Variants in RBKS observed in about 807,000 individuals in gnomAD.
The protein encoded by RBKS is ribokinase.
Under a neutral mutation model 33.9 loss-of-function variants are expected in RBKS, and 33 were observed. That is an observed-to-expected ratio of 0.97 (90% CI 0.74 to 1.30). The LOEUF is 1.30. Among genes scored for constraint, RBKS ranks in the 50% most tolerant of loss-of-function variants. RBKS has a pLI of 0.00. For missense variants in RBKS, 361 were observed against 392.6 expected (o/e 0.92, Z 0.68); for synonymous variants, 125 against 143.0 (o/e 0.87, Z 0.90).
chr2:27,853,730 G>A (rs1178135169), intron 2 of RBKS, among the ~76,000 whole-genome samples: 2 of 152,202 alleles, frequency 1.3e-5, no homozygotes, highest in African/African-American at 2.4e-5. Flanking sequence ...TTATCTGAGA[G>A]TGGTGATAGG....
chr2:27,873,683 C>T (rs961262246), intron 1 of RBKS, among the ~76,000 whole-genome samples: 2 of 151,906 alleles, frequency 1.3e-5, no homozygotes, highest in African/African-American at 4.8e-5. Flanking sequence ...TGGTAAAAAT[C>T]CAGATGTAAA....
chr2:27,839,694 G>C (rs1476423528), intron 5 of RBKS, among the ~76,000 whole-genome samples: 4 of 152,158 alleles, frequency 2.6e-5, no homozygotes, highest in Admixed American at 2.0e-4. Context: ...ACCCATAGAT[G>C]ATGATGACGA....
intron 1 of RBKS, among the ~76,000 whole-genome samples, chr2:27,859,296 C>T (rs1382893334): frequency 6.6e-6 from 1 of 152,152 alleles, no homozygotes; most frequent in Non-Finnish European, 1.5e-5. Flanking sequence ...TACTGGCTTC[C>T]CTTTCCCTCA....
Position 27,812,243 on chromosome 2 carries a change from AC to A in RBKS, c.795+15323del, listed in dbSNP as rs374547071. On this transcript the variant is annotated intron_variant, in intron 7 of 7. Transcript: ENST00000302188. ...GGAGAGGATGTGGAGAAATAGGAAC[AC>A]TTTTACACTGTTGGTGGGACTGTAA... 3.9e-3 allele frequency among the ~76,000 whole-genome samples: 588 copies of A among 152,306 alleles called. 5 individuals carry two copies. The highest frequency in any genetic ancestry group is 0.013 in the African/African-American group (556 of 41,558).
chr2:27,846,051 G>A (rs184139922), intron 4 of RBKS, among the ~76,000 whole-genome samples: 181 of 151,786 alleles, frequency 1.2e-3, no homozygotes, highest in African/African-American at 4.1e-3. Flanking sequence ...TGCAACCTCC[G>A]CCTTGTGAGT....
intron 7 of RBKS, among the ~76,000 whole-genome samples, chr2:27,814,036 C>T (rs1457054161): frequency 1.3e-5 from 2 of 151,306 alleles, no homozygotes; most frequent in Non-Finnish European, 2.9e-5. Context: ...CAAGGCTGTG[C>T]AACAAAGTGA....
chr2:27,867,492 A>G (rs1428562752), intron 1 of RBKS, among the ~76,000 whole-genome samples: 1 of 152,164 alleles, frequency 6.6e-6, no homozygotes, highest in Non-Finnish European at 1.5e-5. Flanking sequence ...AGTTGGGAAT[A>G]TGGTCAGAAA....
At chr2:27,888,672 A>G (rs1325507381) in intron 1 of RBKS, among the ~76,000 whole-genome samples, 2 of 152,206 alleles carry the variant, frequency 1.3e-5, no homozygotes, top group Non-Finnish European at 2.9e-5. Flanking sequence ...CAATTGCTAT[A>G]TTGTGTTGTA....
At chr2:27,842,697 C>T (rs1381824920) in intron 5 of RBKS, among the ~76,000 whole-genome samples, 1 of 151,510 alleles carries the variant, frequency 6.6e-6, no homozygotes, top group Non-Finnish European at 1.5e-5. Context: ...ACTCTTGTCA[C>T]CCAGGCTAGA....
chr2:27,861,877 A>C (rs1225093861), intron 1 of RBKS, among the ~76,000 whole-genome samples: 1 of 149,724 alleles, frequency 6.7e-6, no homozygotes, highest in African/African-American at 2.5e-5. Flanking sequence ...CTGGTCTTGA[A>C]CTCCTGATCC....
chr2:27,858,467 A>C lies in RBKS; in HGVS notation c.194T>G (p.Leu65Arg), dbSNP rs766941595. 1 of 1,613,940 alleles carries C rather than the reference A, an allele frequency of 6.2e-7. No homozygotes were observed. Among genetic ancestry groups the C allele is most frequent in the Admixed American group, 1.7e-5 (1 of 59,970 alleles). Residue 65 changes from leucine (L) to arginine (R), a missense_variant, in exon 2 of 8, where the codon CTT (leucine) becomes CGT (arginine). Coordinates refer to ENST00000302188, the MANE Select transcript of RBKS (RefSeq NM_022128.3). ...GANQCVQAAR[L>R]GAMTSMVCKV... ...ACACACCATGGACGTCATTGCTCCA[A>C]GCCGAGCAGCTTGGACACACTGGTT...
chr2:27,835,751 T>C (rs2148207136), intron 5 of RBKS, among the ~76,000 whole-genome samples: 1 of 151,484 alleles, frequency 6.6e-6, no homozygotes, highest in East Asian at 2.0e-4. Context: ...TAAGAACAAA[T>C]AACAAGCACA....
chr2:27,851,698 C>T (rs920681052), intron 2 of RBKS, among the ~76,000 whole-genome samples: 1 of 152,058 alleles, frequency 6.6e-6, no homozygotes, highest in Non-Finnish European at 1.5e-5. Context: ...ACCATCACAC[C>T]TGGCTAATTT....
chr2:27,868,992 C>A (rs182764667), intron 1 of RBKS, among the ~76,000 whole-genome samples: 224 of 152,158 alleles, frequency 1.5e-3, no homozygotes, highest in African/African-American at 4.2e-3. Context: ...TACAATAACC[C>A]CATGAGAAAG....
intron 1 of RBKS, among the ~76,000 whole-genome samples, chr2:27,873,481 T>C (rs556067811): frequency 6.6e-6 from 1 of 152,366 alleles, no homozygotes; most frequent in African/African-American, 2.4e-5. Flanking sequence ...GAACTGCTTA[T>C]GATTTTCATT....
At chr2:27,885,816 C>T (rs1185583009) in intron 1 of RBKS, among the ~76,000 whole-genome samples, 1 of 152,130 alleles carries the variant, frequency 6.6e-6, no homozygotes, top group Non-Finnish European at 1.5e-5. Context: ...ATCCTCTGCA[C>T]ATCAGGAAGT....
Position 27,890,190 on chromosome 2 carries a change from T to G in RBKS, c.89+67A>C, listed in dbSNP as rs1573090162. ...GAGACCCAGCGCCCAAAAGCTCCAC[T>G]GGGCGCATAGCGCACGGCACGCCTC... is the stretch of plus-strand genomic sequence containing the variant. On this transcript the variant is annotated intron_variant, in intron 1 of 7. Transcript: ENST00000302188. The surrounding 1 kb of genome is among the most constrained non-coding windows in gnomAD (Gnocchi z 4.8). 3 of 1,498,324 alleles carry G rather than the reference T, an allele frequency of 2.0e-6. No individual in the cohort carries two copies. Among genetic ancestry groups the G allele is most frequent in the East Asian group, 2.3e-5 (1 of 43,752 alleles). 92.8% of individuals were successfully genotyped at this position (1,498,324 alleles called of 1,614,324 possible).
At chr2:27,885,081 C>T (rs931845324) in intron 1 of RBKS, among the ~76,000 whole-genome samples, 2 of 151,840 alleles carry the variant, frequency 1.3e-5, no homozygotes, top group African/African-American at 4.8e-5. Flanking sequence ...CTAGTAGGTA[C>T]CTCAACCCTC....
chr2:27,864,987 T>G (rs1032196981), intron 1 of RBKS, among the ~76,000 whole-genome samples: 7 of 152,194 alleles, frequency 4.6e-5, no homozygotes, highest in Non-Finnish European at 8.8e-5. Flanking sequence ...TCTCTGAATC[T>G]CTCCACAGGT....
Sources: gnomAD v4.1 joint callset for allele counts (sites outside exome capture counted in the v4.1 genomes callset) on GRCh38, gnomAD v4.1.1 for gene constraint, Gnocchi (gnomAD v3.1) non-coding constraint, MANE v1.5 for transcripts, NCBI Gene and HGNC (gene_info 2026-07-23, HGNC 2026-07-21) for gene names.